TMEM163: variants seen among roughly 807,000 people sequenced by gnomAD.
The protein encoded by TMEM163 is transmembrane protein 163.
A neutral mutation model predicts 29.3 loss-of-function variants in TMEM163; 17 were observed. The observed-to-expected ratio is 0.58, with a 90% confidence interval of 0.40 to 0.87. The LOEUF (loss-of-function observed/expected upper bound fraction) is 0.87. Ranked by LOEUF, TMEM163 falls within the 40% of genes least tolerant of loss-of-function variation. TMEM163 has a pLI of 0.00. For synonymous variants in TMEM163, 157 were observed against 160.6 expected (o/e 0.98, Z 0.17); for missense variants, 303 against 381.5 (o/e 0.79, Z 1.71).
At chr2:134,575,219 G>A (rs1681526052) in intron 2 of TMEM163, among the ~76,000 whole-genome samples, 1 of 152,080 alleles carries the variant, frequency 6.6e-6, no homozygotes, top group Non-Finnish European at 1.5e-5. Flanking sequence ...CTGAGAGCTG[G>A]GAATAAACTT....
intron 2 of TMEM163, among the ~76,000 whole-genome samples, chr2:134,614,854 T>TA (rs567150152): frequency 0.05 from 7,030 of 139,366 alleles, 534 homozygotes; most frequent in African/African-American, 0.16. Flanking sequence ...AGACTTCATC[T>TA]AAAAAAAAAA....
chr2:134,537,936 G>A (rs1243295275), intron 4 of TMEM163, among the ~76,000 whole-genome samples: 1 of 152,170 alleles, frequency 6.6e-6, no homozygotes, highest in Non-Finnish European at 1.5e-5. Context: ...CCACTAGAAT[G>A]GCTGGAACCA....
intron 2 of TMEM163, among the ~76,000 whole-genome samples, chr2:134,577,548 A>C (rs72984283): frequency 0.043 from 6,614 of 152,190 alleles, 453 homozygotes; most frequent in African/African-American, 0.15. Context: ...ACTGAGAAAG[A>C]AGCTAGTCCA....
intron 1 of TMEM163, among the ~76,000 whole-genome samples, chr2:134,717,889 G>C (rs918212610): frequency 2.0e-5 from 3 of 152,182 alleles, no homozygotes; most frequent in African/African-American, 7.2e-5. Context: ...ACGCGGGAAC[G>C]AGCAGGGAGT....
In TMEM163 at chr2:134,513,647, G is replaced by A. The variant is rs1002882510; in HGVS notation, c.459-10650C>T. On this transcript the variant is annotated intron_variant, in intron 4 of 7. Coordinates refer to ENST00000281924, the MANE Select transcript of TMEM163 (RefSeq NM_030923.5). ...TCCAGCACTGACTCAGGCACTGTCT[G>A]TGCTGCACACTTGCAGGGCCTGACC... Among the ~76,000 whole-genome samples, 16 of 152,230 alleles carry A rather than the reference G, an allele frequency of 1.1e-4. 1 individual carries two copies. Among genetic ancestry groups the A allele is most frequent in the Non-Finnish European group, 1.5e-5 (1 of 68,042 alleles).
At chr2:134,486,606 A>C (rs1443063384) in intron 5 of TMEM163, among the ~76,000 whole-genome samples, 2 of 152,236 alleles carry the variant, frequency 1.3e-5, no homozygotes, top group East Asian at 3.8e-4. Flanking sequence ...ATGAACTATA[A>C]AATATATTGG....
chr2:134,464,872 G>C (rs1686628322), intron 6 of TMEM163, among the ~76,000 whole-genome samples: 1 of 152,096 alleles, frequency 6.6e-6, no homozygotes, highest in Admixed American at 6.5e-5. Context: ...CCTGCCCACT[G>C]TGCAAAGCTC....
At chr2:134,674,450 T>C (rs1452571018) in intron 2 of TMEM163, among the ~76,000 whole-genome samples, 2 of 148,270 alleles carry the variant, frequency 1.3e-5, no homozygotes, top group South Asian at 2.3e-4. Context: ...TTCAAGAGAT[T>C]CCCCTGCCTC....
At chr2:134,599,504 G>A (rs1003454438) in intron 2 of TMEM163, among the ~76,000 whole-genome samples, 23 of 151,970 alleles carry the variant, frequency 1.5e-4, no homozygotes, top group African/African-American at 5.3e-4. Context: ...GCACCCGGAG[G>A]AGGGCCCTCA....
intron 2 of TMEM163, among the ~76,000 whole-genome samples, chr2:134,683,051 A>G (rs1482575871): frequency 6.6e-6 from 1 of 152,250 alleles, no homozygotes; most frequent in Admixed American, 6.5e-5. Context: ...CAACTGTATG[A>G]CATTCTGGAA....
chr2:134,680,814 G>A (rs1445216040), intron 2 of TMEM163, among the ~76,000 whole-genome samples: 3 of 152,126 alleles, frequency 2.0e-5, no homozygotes, highest in South Asian at 4.1e-4. Context: ...GCCCAGCTTC[G>A]CCACGTGTCA....
At chr2:134,503,123 G>T in intron 4 of TMEM163, 126 bp from the exon 5 acceptor site, 1 of 845,038 alleles carries the variant, frequency 1.2e-6, no homozygotes, top group Non-Finnish European at 1.9e-6. Context: ...ACACCCCCAG[G>T]GTGACCACCC....
At chr2:134,552,663 T>A (rs1680957921) in intron 2 of TMEM163, among the ~76,000 whole-genome samples, 1 of 145,738 alleles carries the variant, frequency 6.9e-6, no homozygotes, top group Non-Finnish European at 1.5e-5. Flanking sequence ...ATCCTTTTTT[T>A]TTTTTTTTTT....
chr2:134,458,277 G>A, intron 6 of TMEM163, 104 bp from the exon 7 acceptor site: 1 of 1,403,090 alleles, frequency 7.1e-7, no homozygotes, highest in South Asian at 1.3e-5. Flanking sequence ...GTGCTGGGAG[G>A]AATGATGCCC....
intron 4 of TMEM163, among the ~76,000 whole-genome samples, chr2:134,515,675 T>C (rs1296603135): frequency 6.6e-6 from 1 of 152,178 alleles, no homozygotes; most frequent in Non-Finnish European, 1.5e-5. Context: ...TCAGATGCCA[T>C]TAAAATTTTT....
chr2:134,580,915 A>T (rs1681677016), intron 2 of TMEM163, among the ~76,000 whole-genome samples: 1 of 152,196 alleles, frequency 6.6e-6, no homozygotes, highest in Admixed American at 6.5e-5. Context: ...TCTGCCTCAA[A>T]AAAAACCAGC....
intron 2 of TMEM163, among the ~76,000 whole-genome samples, chr2:134,709,328 C>G (rs1206966121): frequency 6.6e-6 from 1 of 152,106 alleles, no homozygotes. Flanking sequence ...TTGAACAGAT[C>G]CAAAATCACT....
In TMEM163 at chr2:134,689,679, G is replaced by A. The variant is rs532425046; in HGVS notation, c.322+23521C>T. ...AACGTTCACAGTTCATCTCTCCCTA[G>A]TGCACATGAATGAGTTCAGAGGAAA... On this transcript the variant is annotated intron_variant, in intron 2 of 7. Transcript: ENST00000281924. Among the ~76,000 whole-genome samples the A allele has an allele frequency of 1.2e-4, 19 of 152,238 alleles. No homozygotes were observed. The South Asian group carries it at 2.5e-3, about 20-fold the overall frequency.
At chr2:134,509,558 C>T (rs748714703) in intron 4 of TMEM163, among the ~76,000 whole-genome samples, 7 of 152,252 alleles carry the variant, frequency 4.6e-5, no homozygotes, top group South Asian at 2.1e-4. Context: ...CCACAGCGAC[C>T]GCTTCACCAG....
Sources: allele counts gnomAD v4.1 joint callset (sites outside exome capture counted in the v4.1 genomes callset), GRCh38; gene constraint gnomAD v4.1.1; transcripts MANE v1.5; gene names NCBI Gene and HGNC (gene_info 2026-07-23, HGNC 2026-07-21).